TRAF3IP2: variants seen among roughly 807,000 people sequenced by gnomAD.
TRAF3IP2 encodes the protein TRAF3 interacting protein 2.
TRAF3IP2 carries 35 observed loss-of-function variants against 57.9 expected under a neutral mutation model. That is an observed-to-expected ratio of 0.60 (90% CI 0.46 to 0.80). The LOEUF is 0.80. Among genes scored for constraint, TRAF3IP2 ranks in the 30% least tolerant of loss-of-function variants. The pLI is 0.00. For synonymous variants in TRAF3IP2, 251 were observed against 268.9 expected, an observed-to-expected ratio of 0.93 and a Z score of 0.65; for missense variants, 556 against 706.4, an observed-to-expected ratio of 0.79 and a Z score of 2.41.
intron 7 of TRAF3IP2, among the ~76,000 whole-genome samples, chr6:111,565,865 CATT>C (rs1795619447): frequency 6.6e-6 from 1 of 152,184 alleles, no homozygotes; most frequent in East Asian, 1.9e-4. Context: ...ATTTTGAAAA[CATT>C]ATTTCATTTC....
chr6:111,593,316 T>C (rs548960367), intron 1 of TRAF3IP2, among the ~76,000 whole-genome samples: 1 of 152,338 alleles, frequency 6.6e-6, no homozygotes, highest in South Asian at 2.1e-4. Context: ...TTCAACCACA[T>C]TCACTGAGGG....
intron 1 of TRAF3IP2, chr6:111,598,118 C>A: frequency 3.0e-6 from 1 of 336,450 alleles, no homozygotes; most frequent in South Asian, 2.3e-5. Flanking sequence ...CAGAACCCCT[C>A]TCTGAGGCTC....
At position 111,568,432 on chromosome 6, in the gene TRAF3IP2, A is replaced by AGTGTGT. The variant is rs58088162; in HGVS notation, c.1291-746_1291-741dup. Among the ~76,000 whole-genome samples, 427 of 146,768 alleles carry AGTGTGT rather than the reference A, an allele frequency of 2.9e-3. 1 individual carries two copies. The highest frequency in any genetic ancestry group is 7.1e-3 in the Middle Eastern group (2 of 280). On this transcript the variant is annotated intron_variant, in intron 5 of 8. Transcript: ENST00000368761. The stretch of plus-strand genomic sequence containing the variant: ...TCTTGGGCTCAGGCTTATACTGCAG[A>AGTGTGT]GTGTGTGTGTGTGTGTGTGTGTGTG...
rs765685286 is a variant in TRAF3IP2 at position 111,592,042 on chromosome 6, G to A, written c.45C>T (p.Tyr15=). The change falls in exon 2 of 9, where the codon TAC becomes TAT. Residue 15 remains tyrosine (Y), a synonymous_variant. Transcript: ENST00000368761. ...IPVEVDESEP[Y]PSQLLKPIPE... ...GGATTGGTTTCAGCAACTGACTTGG[G>A]TATGGTTCTGATTCATCAACCTCCA... 1.9e-6 allele frequency: 3 copies of A among 1,614,082 alleles called. No individual in the cohort carries two copies. The highest frequency in any genetic ancestry group is 1.3e-5 in the African/African-American group (1 of 74,924).
At chr6:111,576,801 A>G (rs978894295) in intron 3 of TRAF3IP2, 5 of 152,200 alleles carry the variant, frequency 3.3e-5, no homozygotes, top group African/African-American at 1.2e-4. Flanking sequence ...ACATTCTTAA[A>G]ATCTGGGTAG....
rs1796539716 is a variant in TRAF3IP2 at position 111,591,965 on chromosome 6, T to C, written c.122A>G (p.Asn41Ser). 2 of 1,614,230 alleles carry C rather than the reference T, an allele frequency of 1.2e-6. No homozygotes were observed. Among genetic ancestry groups the C allele is most frequent in the African/African-American group, 1.3e-5 (1 of 75,064 alleles). ...ESEPPAPNIR[N>S]MAPNSLSAPT... The stretch of plus-strand genomic sequence containing the variant: ...TGCAGACAAGCTGTTGGGTGCCATG[T>C]TCCTTATATTTGGAGCAGGTGGTTC... The change falls in exon 2 of 9, where the codon AAC (asparagine) becomes AGC (serine). Residue 41 changes from asparagine to serine, a missense_variant. By Grantham distance (46) the Asn-to-Ser change is conservative (BLOSUM62 1). Around this residue, in one of 2 missense-constraint regions of TRAF3IP2, gnomAD observed 428 missense variants for 498.7 expected, o/e 0.86. Coordinates refer to ENST00000368761, the MANE Select transcript of TRAF3IP2 (RefSeq NM_147686.4). This position sits in a 1 kb window ranked among gnomAD's most constrained non-coding sequence, Gnocchi z 4.9.
In TRAF3IP2 at chr6:111,555,953, A is replaced by G. The variant is rs999430033; in HGVS notation, c.*3452T>C. On this transcript the variant is annotated 3_prime_UTR_variant, in exon 9 of 9. Coordinates refer to ENST00000368761, the MANE Select transcript of TRAF3IP2 (RefSeq NM_147686.4). ...CCCGTCTCTACTAAAAATACAAAAA[A>G]TTAGCCGGGCATGGTGGCAGGTGCC... Among the ~76,000 whole-genome samples, 1 of 152,140 alleles carries G rather than the reference A, an allele frequency of 6.6e-6. No individual in the cohort carries two copies. The highest frequency in any genetic ancestry group is 2.4e-5 in the African/African-American group (1 of 41,414).
In TRAF3IP2 at chr6:111,592,609, C is replaced by A. The variant is rs1247582762; in HGVS notation, c.-8-515G>T. On this transcript the variant is annotated intron_variant, in intron 1 of 8. Coordinates refer to ENST00000368761, the MANE Select transcript of TRAF3IP2 (RefSeq NM_147686.4). ...GCATATCTGCTTGTATATGTATAAA[C>A]CGTGTGGAGGATATACAGACATTGC... Among the ~76,000 whole-genome samples, 8 of 152,112 alleles carry A rather than the reference C, an allele frequency of 5.3e-5. No homozygotes were observed. The East Asian group carries it at 1.5e-3, about 29-fold the overall frequency.
intron 1 of TRAF3IP2, chr6:111,602,354 G>A (rs1378162971): frequency 9.0e-6 from 1 of 111,718 alleles, no homozygotes; most frequent in Non-Finnish European, 1.9e-5. Context: ...TTGTTTTTTT[G>A]TTTCTTCAGA....
At chr6:111,594,966 T>C (rs1796634783) in intron 1 of TRAF3IP2, among the ~76,000 whole-genome samples, 1 of 152,228 alleles carries the variant, frequency 6.6e-6, no homozygotes, top group Non-Finnish European at 1.5e-5. Context: ...GCGCGGTGGC[T>C]AATGCCTATA....
rs781741812 is a variant in TRAF3IP2 at position 111,567,653 on chromosome 6, T to C, written c.1330A>G (p.Ile444Val). The change falls in exon 6 of 9, where the codon ATT becomes GTT. Residue 444 changes from isoleucine to valine, a missense_variant. Around this residue, in one of 2 missense-constraint regions of TRAF3IP2, gnomAD observed 128 missense variants for 207.7 expected, o/e 0.62. Coordinates refer to ENST00000368761, the MANE Select transcript of TRAF3IP2 (RefSeq NM_147686.4). ...FEDRIRGIDIIKWMERYLRDK... is the reference protein window; with the variant it reads ...FEDRIRGIDIVKWMERYLRDK... Reference sequence around the variant, plus strand: ...CTAAGGTAGCGCTCCATCCATTTAATGATATCAATGCCTCGGATTCTATCC... The same window carrying C: ...CTAAGGTAGCGCTCCATCCATTTAACGATATCAATGCCTCGGATTCTATCC... 1 of 1,610,504 alleles carries C rather than the reference T, an allele frequency of 6.2e-7. No individual in the cohort carries two copies. Among genetic ancestry groups the C allele is most frequent in the South Asian group, 1.1e-5 (1 of 89,738 alleles).
intron 5 of TRAF3IP2, among the ~76,000 whole-genome samples, chr6:111,569,369 C>A (rs1795754017): frequency 6.6e-6 from 1 of 152,238 alleles, no homozygotes; most frequent in African/African-American, 2.4e-5. Flanking sequence ...AGTTAATAAA[C>A]TGACTTCCTA....
intron 1 of TRAF3IP2, among the ~76,000 whole-genome samples, chr6:111,603,973 AAC>A (rs1796951425): frequency 6.6e-6 from 1 of 152,254 alleles, no homozygotes; most frequent in Non-Finnish European, 1.5e-5. Flanking sequence ...GCAAGTGCAC[AAC>A]AGTTAGCCTG....
intron 1 of TRAF3IP2, among the ~76,000 whole-genome samples, chr6:111,603,275 A>G (rs1454932390): frequency 6.6e-6 from 1 of 152,208 alleles, no homozygotes; most frequent in Non-Finnish European, 1.5e-5. Context: ...CATTGGGAAG[A>G]AACAGGAGAG....
chr6:111,590,599 A>C (rs1275647500), intron 2 of TRAF3IP2, among the ~76,000 whole-genome samples: 1 of 152,164 alleles, frequency 6.6e-6, no homozygotes, highest in Non-Finnish European at 1.5e-5. Flanking sequence ...CAGAAGGGGA[A>C]GAACATCCCC....
intron 1 of TRAF3IP2, among the ~76,000 whole-genome samples, chr6:111,592,858 T>C (rs1402564528): frequency 6.6e-6 from 1 of 152,230 alleles, no homozygotes; most frequent in Non-Finnish European, 1.5e-5. Flanking sequence ...GAGGACTTAA[T>C]TCCCTCTGGG....
chr6:111,580,070 T>G, intron 3 of TRAF3IP2, 127 bp downstream of exon 3: 1 of 1,087,726 alleles, frequency 9.2e-7, no homozygotes, highest in Non-Finnish European at 1.3e-6. Flanking sequence ...TATTGGGCAT[T>G]CCACTATGTG....
chr6:111,564,588 G>T (rs1006507790), intron 7 of TRAF3IP2, among the ~76,000 whole-genome samples: 1 of 152,160 alleles, frequency 6.6e-6, no homozygotes, highest in Non-Finnish European at 1.5e-5. Context: ...GTTGTTCCAG[G>T]GTTTTCTGTT....
At chr6:111,598,890 A>G (rs1796775171) in intron 1 of TRAF3IP2, among the ~76,000 whole-genome samples, 1 of 151,850 alleles carries the variant, frequency 6.6e-6, no homozygotes, top group African/African-American at 2.4e-5. Flanking sequence ...AATATCAAAA[A>G]CCTTTCAGCA....
Sources: gnomAD v4.1 joint callset for allele counts (sites outside exome capture counted in the v4.1 genomes callset) on GRCh38, gnomAD v4.1.1 for gene constraint, gnomAD v4.1.1 regional missense constraint, Gnocchi (gnomAD v3.1) non-coding constraint, MANE v1.5 for transcripts, NCBI Gene and HGNC (gene_info 2026-07-23, HGNC 2026-07-21) for gene names.